CLCN3: variants seen among roughly 807,000 people sequenced by gnomAD.
The protein encoded by CLCN3 is Cl-/H+ antiporter 3, also known as H(+)/Cl(-) exchange transporter 3.
CLCN3 carries 16 observed loss-of-function variants against 83.4 expected under a neutral mutation model. The observed-to-expected ratio is 0.19, with a 90% confidence interval of 0.13 to 0.29. The LOEUF is 0.29. Ranked by LOEUF, CLCN3 falls within the 10% of genes least tolerant of loss-of-function variation. CLCN3 has a pLI of 1.00. For synonymous variants in CLCN3, 322 were observed against 346.2 expected (o/e 0.93, Z 0.78); for missense variants, 544 against 1,006.0 (o/e 0.54, Z 6.21).
intron 11 of CLCN3, among the ~76,000 whole-genome samples, chr4:169,709,002 A>G (rs1045719244): frequency 6.7e-6 from 1 of 148,384 alleles, no homozygotes; most frequent in East Asian, 1.9e-4. Context: ...TGGGAGAGAT[A>G]TATATTTCTA....
At chr4:169,652,942 A>G (rs1388571565) in intron 2 of CLCN3, among the ~76,000 whole-genome samples, 1 of 152,204 alleles carries the variant, frequency 6.6e-6, no homozygotes, top group Non-Finnish European at 1.5e-5. Flanking sequence ...TGGAGTGTCT[A>G]TCTTACAGAT....
At chr4:169,665,448 A>G (rs1489898828) in intron 2 of CLCN3, among the ~76,000 whole-genome samples, 2 of 152,176 alleles carry the variant, frequency 1.3e-5, no homozygotes, top group Non-Finnish European at 2.9e-5. Context: ...TTAATTGACC[A>G]CCTGCTAAAT....
chr4:169,697,390 T>C lies in CLCN3; in HGVS notation c.1219T>C (p.Phe407Leu), dbSNP rs1732605924. ...GVFGGLWGAF[F>L]IRANIAWCRR... ...ATTTGGAGGGCTTTGGGGAGCCTTT[T>C]TCATTAGGGCAAATATTGCCTGGTG... The change falls in exon 9 of 13, where the codon TTC becomes CTC. Residue 407 changes from phenylalanine (F) to leucine (L), a missense_variant. Transcript: ENST00000513761. 3 of 1,614,086 alleles carry C rather than the reference T, an allele frequency of 1.9e-6. No individual in the cohort carries two copies. Among genetic ancestry groups the C allele is most frequent in the East Asian group, 2.2e-5 (1 of 44,880 alleles).
At chr4:169,691,841 T>C (rs931522217) in intron 6 of CLCN3, among the ~76,000 whole-genome samples, 22 of 152,280 alleles carry the variant, frequency 1.4e-4, no homozygotes, top group African/African-American at 5.3e-4. Context: ...ATAATTAAGG[T>C]CTGTATTCAT....
At chr4:169,622,097 C>A (rs1773125512) in intron 1 of CLCN3, among the ~76,000 whole-genome samples, 1 of 152,168 alleles carries the variant, frequency 6.6e-6, no homozygotes, top group African/African-American at 2.4e-5. Flanking sequence ...CCCTTCCCAC[C>A]CCTTACTCCC....
At chr4:169,645,121 A>G (rs1217354668) in intron 2 of CLCN3, among the ~76,000 whole-genome samples, 1 of 152,240 alleles carries the variant, frequency 6.6e-6, no homozygotes, top group Non-Finnish European at 1.5e-5. Flanking sequence ...CGGATATCTT[A>G]GTATTATCGA....
intron 2 of CLCN3, chr4:169,660,524 G>A: frequency 9.4e-7 from 1 of 1,061,582 alleles, no homozygotes; most frequent in Non-Finnish European, 1.2e-6. Context: ...AGCTTAAACT[G>A]GTTCTCGTTT....
chr4:169,684,840 TAC>T (rs1447496812), intron 3 of CLCN3, among the ~76,000 whole-genome samples: 3 of 152,136 alleles, frequency 2.0e-5, no homozygotes, highest in African/African-American at 7.2e-5. Context: ...TACCCCACAA[TAC>T]ACACATACAA....
At chr4:169,684,348 G>T (rs546763637) in intron 3 of CLCN3, among the ~76,000 whole-genome samples, 1 of 152,232 alleles carries the variant, frequency 6.6e-6, no homozygotes, top group African/African-American at 2.4e-5. Flanking sequence ...AGGTTCCTTA[G>T]CATCCTCAAA....
intron 2 of CLCN3, among the ~76,000 whole-genome samples, chr4:169,665,982 T>G (rs1374441341): frequency 2.7e-5 from 4 of 149,416 alleles, no homozygotes; most frequent in Admixed American, 6.7e-5. Flanking sequence ...GTTGTGTTGT[T>G]TTTTTTTTTT....
intron 2 of CLCN3, among the ~76,000 whole-genome samples, chr4:169,672,136 C>A (rs1474987636): frequency 1.3e-5 from 2 of 151,760 alleles, no homozygotes. Flanking sequence ...GGCCTGAACC[C>A]GGGAGGCAGA....
chr4:169,688,265 G>T (rs1207351386), intron 4 of CLCN3, among the ~76,000 whole-genome samples: 1 of 152,152 alleles, frequency 6.6e-6, no homozygotes, highest in Admixed American at 6.5e-5. Context: ...TTGAATTAAA[G>T]CCTTCTAGCT....
At chr4:169,660,159 A>T in intron 2 of CLCN3, 1 of 1,131,166 alleles carries the variant, frequency 8.8e-7, no homozygotes, top group Non-Finnish European at 1.1e-6. Flanking sequence ...GATTGTAGCC[A>T]CTAGCAACCA....
intron 2 of CLCN3, chr4:169,660,284 A>G: frequency 7.6e-7 from 1 of 1,309,488 alleles, no homozygotes; most frequent in Non-Finnish European, 9.7e-7. Context: ...TGCTTGCTGC[A>G]GCAGGGATGG....
chr4:169,625,963 G>T (rs879356585), intron 1 of CLCN3, among the ~76,000 whole-genome samples: 1 of 152,164 alleles, frequency 6.6e-6, no homozygotes, highest in Admixed American at 6.5e-5. Flanking sequence ...GTGCCCCCCG[G>T]TTCCAATACG....
rs777964874 is a variant in CLCN3 at position 169,692,194 on chromosome 4, C to T, written c.810C>T (p.Val270=). ...WTLMIKTITL[V]LAVASGLSLG... ...TAATGATTAAAACCATCACATTAGT[C>T]CTGGCTGTGGCATCAGGTTTGAGTT... Residue 270 remains valine, a synonymous_variant, in exon 7 of 13, where the codon GTC becomes GTT. Coordinates refer to ENST00000513761, the MANE Select transcript of CLCN3 (RefSeq NM_001829.4). The T allele has an allele frequency of 2.5e-6, 4 of 1,612,366 alleles. No individual in the cohort carries two copies. In the South Asian group the frequency reaches 4.4e-5, roughly 18 times the overall value.
Position 169,620,644 on chromosome 4 carries a change from G to A in CLCN3, c.-436G>A, listed in dbSNP as rs1773088905. The A allele has an allele frequency of 2.5e-6, 1 of 397,858 alleles. No homozygotes were observed. Among genetic ancestry groups the A allele is most frequent in the Non-Finnish European group, 4.4e-6 (1 of 226,066 alleles). The allele number at this position is 397,858 out of a possible 1,614,324, so 24.6% of individuals were successfully genotyped here. On this transcript the variant is annotated 5_prime_UTR_variant, in exon 1 of 13. Transcript: ENST00000513761. ...CTGCAGCCCCTTTCCCAGTGTTCTAGTTCGCCCGTGACCCGGAATAATGAG... is the reference window on the plus strand; with the variant it reads ...CTGCAGCCCCTTTCCCAGTGTTCTAATTCGCCCGTGACCCGGAATAATGAG...
intron 1 of CLCN3, among the ~76,000 whole-genome samples, chr4:169,622,151 C>G (rs1773126551): frequency 6.6e-6 from 1 of 152,198 alleles, no homozygotes; most frequent in Admixed American, 6.5e-5. Flanking sequence ...AATGATGAGT[C>G]ACATTATTTT....
Position 169,620,855 on chromosome 4 carries a change from G to A in CLCN3, c.-225G>A. 3 of 398,548 alleles carry A rather than the reference G, an allele frequency of 7.5e-6. No individual in the cohort carries two copies. Among genetic ancestry groups the A allele is most frequent in the Non-Finnish European group, 1.3e-5 (3 of 226,056 alleles). 24.7% of individuals were successfully genotyped at this position (398,548 alleles called of 1,614,324 possible). On this transcript the variant is annotated 5_prime_UTR_variant, in exon 1 of 13. Coordinates refer to ENST00000513761, the MANE Select transcript of CLCN3 (RefSeq NM_001829.4). ...CTTCATGTTGCTCCCGTGTTTGAAG[G>A]AGGACAATAAAAGTCCCACCGGGCA...
Sources: gnomAD v4.1 joint callset for allele counts (sites outside exome capture counted in the v4.1 genomes callset) on GRCh38, gnomAD v4.1.1 for gene constraint, MANE v1.5 for transcripts, NCBI Gene and HGNC (gene_info 2026-07-23, HGNC 2026-07-21) for gene names.